The following JAK2 variants were observed in gnomAD, a reference collection of about 807,000 sequenced individuals.
The protein encoded by JAK2 is Janus kinase 2.
JAK2 carries 86 observed loss-of-function variants against 139.3 expected under a neutral mutation model. The ratio of observed to expected loss-of-function variants is 0.62; its 90% CI spans 0.52 to 0.74. The LOEUF is 0.74. JAK2 is among the 30% of genes least tolerant of loss of function. The pLI, the probability that JAK2 is intolerant of heterozygous loss-of-function variation, is 0.00. For missense variants in JAK2, 1,421 were observed against 1,360.3 expected (o/e 1.04, Z -0.70); for synonymous variants, 490 against 437.7 (o/e 1.12, Z -1.49).
At position 5,054,458 on chromosome 9, in the gene JAK2, C is replaced by G; in HGVS notation, c.615-105C>G. 5.7e-6 allele frequency: 5 copies of G among 881,182 alleles called. No individual in the cohort carries two copies. The highest frequency in any genetic ancestry group is 8.8e-6 in the Non-Finnish European group (5 of 566,274). 54.6% of individuals were successfully genotyped at this position (881,182 alleles called of 1,614,324 possible). On this transcript the variant is annotated intron_variant, in intron 6 of 24. Coordinates refer to ENST00000381652, the MANE Select transcript of JAK2 (RefSeq NM_004972.4). The surrounding 1 kb of genome is among the most constrained non-coding windows in gnomAD (Gnocchi z 4.9). ...GCCACTTGGCCACTGTGTTGTAAGG[C>G]CTACTTAATCATGGAAAAAGGTGGT...
Position 5,081,773 on chromosome 9 carries a change from G to C in JAK2, c.2483G>C (p.Gly828Ala), listed in dbSNP as rs1233946002. The change falls in exon 19 of 25, where the codon GGT becomes GCT. Residue 828 changes from glycine to alanine, a missense_variant. Transcript: ENST00000381652. ...ENDMLPNMRI[G>A]ALGFSGAFED... ...GACATGTTACCAAATATGAGGATAG[G>C]TGCCCTGGGGTTTTCTGGTGCCTTT... The C allele has an allele frequency of 1.2e-6, 2 of 1,604,318 alleles. No homozygotes were observed. The highest frequency in any genetic ancestry group is 1.7e-6 in the Non-Finnish European group (2 of 1,171,232).
intron 22 of JAK2, chr9:5,114,127 A>C (rs1308831306): frequency 8.2e-6 from 3 of 364,950 alleles, no homozygotes; most frequent in Non-Finnish European, 1.6e-5. Context: ...CAGGTCACCT[A>C]TCAAGGTAAC....
In JAK2 at chr9:5,069,110, G is replaced by A. The variant is rs1219442270; in HGVS notation, c.1415G>A (p.Ser472Asn). 1 of 1,611,668 alleles carries A rather than the reference G, an allele frequency of 6.2e-7. No homozygotes were observed. The highest frequency in any genetic ancestry group is 1.7e-5 in the Admixed American group (1 of 59,964). Residue 472 changes from serine (S) to asparagine (N), a missense_variant, in exon 11 of 25, where the codon AGC becomes AAC. By Grantham distance (46) the Ser-to-Asn change is conservative. Transcript: ENST00000381652. ...YNLSGTKKNF[S>N]SLKDLLNCYQ... is the part of the protein sequence containing the mutation. Reference sequence around the variant, plus strand: ...CTCAGTGGGACAAAGAAGAACTTCAGCAGTCTTAAAGATCTTTTGAATTGT... The same window carrying A: ...CTCAGTGGGACAAAGAAGAACTTCAACAGTCTTAAAGATCTTTTGAATTGT...
intron 4 of JAK2, chr9:5,041,568 C>CT (rs1816516449): frequency 3.9e-6 from 2 of 519,164 alleles, no homozygotes; most frequent in African/African-American, 1.9e-5. Context: ...GGCTACGTAC[C>CT]TGCACTACGT....
At chr9:5,125,462 A>G (rs536936267) in intron 23 of JAK2, among the ~76,000 whole-genome samples, 1 of 151,572 alleles carries the variant, frequency 6.6e-6, no homozygotes, top group East Asian at 1.9e-4. Context: ...GTAACACTTC[A>G]GTGAACATAG....
At chr9:5,093,940 C>T (rs527885213) in intron 22 of JAK2, among the ~76,000 whole-genome samples, 4 of 152,194 alleles carry the variant, frequency 2.6e-5, no homozygotes, top group South Asian at 4.1e-4. Context: ...AAGAGAAATA[C>T]GGCCCACTTC....
rs1818470577 is a variant in JAK2, at chr9:5,065,032, C to A, written c.1206C>A (p.Gly402=). 1 of 1,580,252 alleles carries A rather than the reference C, an allele frequency of 6.3e-7. No individual in the cohort carries two copies. ...AAAATATACAAAGCAACTGTCATGG[C>A]CCAATTTCGTGAGTAATACAGACTT... ...VLENIQSNCH[G]PISMDFAISK... is the part of the protein sequence containing the mutation. Residue 402 remains glycine (G), a synonymous_variant, in exon 9 of 25, where the codon GGC becomes GGA. Transcript: ENST00000381652.
At chr9:5,007,607 A>G (rs984615575) in intron 2 of JAK2, among the ~76,000 whole-genome samples, 1 of 146,528 alleles carries the variant, frequency 6.8e-6, no homozygotes, top group African/African-American at 2.8e-5. Flanking sequence ...GCAACTTAAT[A>G]TACTTTTATT....
intron 22 of JAK2, among the ~76,000 whole-genome samples, chr9:5,120,720 A>C (rs781734262): frequency 1.3e-5 from 2 of 152,194 alleles, no homozygotes; most frequent in Non-Finnish European, 2.9e-5. Flanking sequence ...AAACTGTAAC[A>C]ATGGGTTAGG....
chr9:4,993,279 T>A (rs909728619), intron 2 of JAK2, among the ~76,000 whole-genome samples: 1 of 152,220 alleles, frequency 6.6e-6, no homozygotes, highest in African/African-American at 2.4e-5. Flanking sequence ...AGGTACTGAT[T>A]TAGATCTTAA....
intron 22 of JAK2, among the ~76,000 whole-genome samples, chr9:5,104,423 C>G (rs1821785932): frequency 6.6e-6 from 1 of 151,530 alleles, no homozygotes; most frequent in African/African-American, 2.4e-5. Context: ...CAATAATAGC[C>G]TACCAACCAA....
At chr9:4,987,019 C>G (rs922893525) in intron 2 of JAK2, among the ~76,000 whole-genome samples, 1 of 152,196 alleles carries the variant, frequency 6.6e-6, no homozygotes, top group Non-Finnish European at 1.5e-5. Context: ...CCCCCATCCG[C>G]CTCACCTTAT....
At chr9:5,097,798 G>A (rs905702361) in intron 22 of JAK2, 9 of 152,070 alleles carry the variant, frequency 5.9e-5, no homozygotes, top group Non-Finnish European at 1.2e-4. Flanking sequence ...TTTCCACTAC[G>A]TCCTATCACC....
At chr9:5,089,628 G>C in intron 19 of JAK2, 46 bp from the exon 20 acceptor site, 1 of 889,524 alleles carries the variant, frequency 1.1e-6, no homozygotes, top group African/African-American at 1.8e-5. Flanking sequence ...TTTGTAATTT[G>C]CCTTGAAAAC....
intron 19 of JAK2, chr9:5,085,377 C>CG (rs1820006131): frequency 2.2e-6 from 2 of 906,132 alleles, no homozygotes; most frequent in South Asian, 2.6e-5. Flanking sequence ...TCTCATGCAC[C>CG]ACTGGGTCGG....
At chr9:5,033,937 C>T (rs1052642894) in intron 4 of JAK2, among the ~76,000 whole-genome samples, 16 of 152,264 alleles carry the variant, frequency 1.1e-4, no homozygotes, top group African/African-American at 3.4e-4. Flanking sequence ...TTAAAAGACA[C>T]AGACTGGTAA....
In JAK2 at chr9:5,054,641, C is replaced by G. The variant is rs1327641230; in HGVS notation, c.693C>G (p.Tyr231Ter). The G allele has an allele frequency of 6.2e-7, 1 of 1,613,024 alleles. No individual in the cohort carries two copies. Among genetic ancestry groups the G allele is most frequent in the Non-Finnish European group, 8.5e-7 (1 of 1,179,318 alleles). The change falls in exon 7 of 25, where the codon TAC (tyrosine) becomes TAG (stop). Residue 231 changes from tyrosine (Y) to a stop codon, truncating the protein, a stop_gained. Transcript: ENST00000381652. LOFTEE classifies it high-confidence loss of function. This position sits in a 1 kb window ranked among gnomAD's most constrained non-coding sequence, Gnocchi z 4.9. ...TTTTGACAAGGAAGCGAATAAGGTA[C>G]AGATTTCGCAGATTTATTCAGCAAT... The part of the protein sequence containing the change: ...YHILTRKRIR[Y>*]RFRRFIQQFS...
At chr9:5,035,278 A>T (rs1236787102) in intron 4 of JAK2, among the ~76,000 whole-genome samples, 5 of 152,230 alleles carry the variant, frequency 3.3e-5, no homozygotes, top group Admixed American at 3.3e-4. Context: ...GACCAGATGG[A>T]TTCACAGCTG....
At chr9:5,006,870 C>A (rs919204611) in intron 2 of JAK2, among the ~76,000 whole-genome samples, 1 of 152,066 alleles carries the variant, frequency 6.6e-6, no homozygotes, top group African/African-American at 2.4e-5. Context: ...TCTTCTTGTG[C>A]TAGTTTAGGT....
Sources: gnomAD v4.1 joint callset for allele counts (sites outside exome capture counted in the v4.1 genomes callset) on GRCh38, gnomAD v4.1.1 for gene constraint, Gnocchi (gnomAD v3.1) non-coding constraint, MANE v1.5 for transcripts, NCBI Gene and HGNC (gene_info 2026-07-23, HGNC 2026-07-21) for gene names.